The following ESR1 variants were observed in gnomAD, a reference collection of about 807,000 sequenced individuals.
ESR1 encodes estrogen receptor.
ESR1 carries 12 observed loss-of-function variants against 52.7 expected under a neutral mutation model. The observed-to-expected ratio is 0.23, with a 90% confidence interval of 0.15 to 0.37. The LOEUF (loss-of-function observed/expected upper bound fraction) is 0.37, where lower values mean the gene tolerates loss of function less well. Ranked by LOEUF, ESR1 falls within the 10% of genes least tolerant of loss-of-function variation. The pLI is 1.00. For missense variants in ESR1, 584 were observed against 779.7 expected (o/e 0.75, Z 2.99); for synonymous variants, 305 against 316.8 (o/e 0.96, Z 0.39).
intron 2 of ESR1, among the ~76,000 whole-genome samples, chr6:151,876,326 T>C (rs1377796131): frequency 1.3e-5 from 2 of 152,078 alleles, no homozygotes; most frequent in Non-Finnish European, 2.9e-5. Context: ...CAAGTCTTGA[T>C]GGACAGGGGC....
chr6:151,708,367 G>T (rs1780334234), intron 2 of ESR1, among the ~76,000 whole-genome samples: 1 of 152,102 alleles, frequency 6.6e-6, no homozygotes, highest in Non-Finnish European at 1.5e-5. Flanking sequence ...ATAAAAAAGT[G>T]CTGTCATTAC....
chr6:151,957,973 C>A (rs890649144), intron 4 of ESR1, among the ~76,000 whole-genome samples: 1 of 152,172 alleles, frequency 6.6e-6, no homozygotes, highest in Admixed American at 6.5e-5. Flanking sequence ...CGACTCCTGG[C>A]CTAATGGGGC....
intron 2 of ESR1, among the ~76,000 whole-genome samples, chr6:151,778,767 GA>G (rs1174084649): frequency 1.3e-5 from 2 of 152,070 alleles, no homozygotes; most frequent in Non-Finnish European, 2.9e-5. Flanking sequence ...GTGAGATTTT[GA>G]ATCTCAACTG....
intron 3 of ESR1, among the ~76,000 whole-genome samples, chr6:151,898,122 A>G (rs1795834117): frequency 6.6e-6 from 1 of 152,132 alleles, no homozygotes; most frequent in Admixed American, 6.5e-5. Flanking sequence ...ACAGCTCTTA[A>G]GATTATTTTT....
chr6:151,768,653 A>G (rs1415137196), intron 2 of ESR1, among the ~76,000 whole-genome samples: 1 of 152,176 alleles, frequency 6.6e-6, no homozygotes, highest in Non-Finnish European at 1.5e-5. Flanking sequence ...CTTACTCTCA[A>G]ACATCTCAGA....
At chr6:151,799,894 G>A (rs1777066492), upstream of ESR1, among the ~76,000 whole-genome samples, 1 of 152,160 alleles carries the variant, frequency 6.6e-6, no homozygotes, top group South Asian at 2.1e-4. Flanking sequence ...AGGGACTGAG[G>A]AACTTAAAAG....
At position 152,099,668 on chromosome 6, in the gene ESR1, A is replaced by G; in HGVS notation, c.*702A>G. 1 of 261,600 alleles carries G rather than the reference A, an allele frequency of 3.8e-6. No homozygotes were observed. Among genetic ancestry groups the G allele is most frequent in the Non-Finnish European group, 7.2e-6 (1 of 137,950 alleles). The allele number at this position is 261,600 out of a possible 1,614,324, so 16.2% of individuals were successfully genotyped here. ...AAGCTCTGCCTCTGGCTTTCCGGTCATGGGTTCCAGTTAATTCATGCCTCC... is the reference window on the plus strand; with the variant it reads ...AAGCTCTGCCTCTGGCTTTCCGGTCGTGGGTTCCAGTTAATTCATGCCTCC... On this transcript the variant is annotated 3_prime_UTR_variant, in exon 8 of 8. Transcript: ENST00000206249.
chr6:151,773,575 C>T lies in ESR1; in HGVS notation c.-70-34268C>T, dbSNP rs79845980. The stretch of plus-strand genomic sequence containing the variant: ...TTGAAGGCAGCTGCTGGCAGGCAAC[C>T]GGAGACTTTACCCTGGTCCTAGTGG... On this transcript the variant is annotated intron_variant, in intron 2 of 2. Coordinates refer to the ESR1 transcript ENST00000404742. Among the ~76,000 whole-genome samples, 85 of 152,250 alleles carry T rather than the reference C, an allele frequency of 5.6e-4. 1 individual carries two copies. In the East Asian group the frequency reaches 0.015, roughly 28 times the overall value.
intron 2 of ESR1, among the ~76,000 whole-genome samples, chr6:151,750,336 G>A (rs955445163): frequency 6.6e-6 from 1 of 152,108 alleles, no homozygotes; most frequent in Non-Finnish European, 1.5e-5. Context: ...GTAATAAATC[G>A]TTCTCAGCAA....
intron 2 of ESR1, among the ~76,000 whole-genome samples, chr6:151,852,686 G>A (rs567793268): frequency 7.4e-6 from 1 of 135,494 alleles, no homozygotes; most frequent in South Asian, 2.4e-4. Context: ...GCAGTTCATA[G>A]CCTCCTTTTC....
intron 3 of ESR1, among the ~76,000 whole-genome samples, chr6:151,909,645 C>T (rs1797965558): frequency 6.6e-6 from 1 of 152,072 alleles, no homozygotes; most frequent in South Asian, 2.1e-4. Flanking sequence ...TAAATGTCAT[C>T]AAAGGTTCCC....
intron 3 of ESR1, among the ~76,000 whole-genome samples, chr6:151,884,541 T>G (rs1793518866): frequency 6.6e-6 from 1 of 152,200 alleles, no homozygotes; most frequent in African/African-American, 2.4e-5. Flanking sequence ...TACTCCCTAT[T>G]TTCATAGCAA....
rs1173329225 is a variant in ESR1 at position 151,899,499 on chromosome 6, G to T, written c.760+18728G>T. On this transcript the variant is annotated intron_variant, in intron 3 of 7. Transcript: ENST00000206249. ...GGGCTGACCCCCCCACCTCCCTCCCGGACGGGGCGGCTGGCCGGGCGGGGG... is the reference window on the plus strand; with the variant it reads ...GGGCTGACCCCCCCACCTCCCTCCCTGACGGGGCGGCTGGCCGGGCGGGGG... 2.1e-5 allele frequency among the ~76,000 whole-genome samples: 3 copies of T among 144,566 alleles called. No homozygotes were observed. In the East Asian group the frequency reaches 6.6e-4, roughly 32 times the overall value. The allele number at this position is 144,566 out of a possible 152,430, so 94.8% of individuals were successfully genotyped here.
At chr6:151,791,672 G>A (rs1051045476) in intron 2 of ESR1, among the ~76,000 whole-genome samples, 2 of 152,122 alleles carry the variant, frequency 1.3e-5, no homozygotes, top group Non-Finnish European at 2.9e-5. Context: ...AACTCCTAAG[G>A]CAGGGCAGAG....
Position 152,100,280 on chromosome 6 carries a change from G to A in ESR1, c.*1314G>A, listed in dbSNP as rs533228556. ...CAATTGGCCCAGCACCCTGGGGCAC[G>A]GGAGAAGGGTGGGGACCGTTGCTGT... On this transcript the variant is annotated 3_prime_UTR_variant, in exon 8 of 8. Coordinates refer to ENST00000206249, the MANE Select transcript of ESR1 (RefSeq NM_000125.4). 1.6e-4 allele frequency: 62 copies of A among 393,240 alleles called. No homozygotes were observed. In the Middle Eastern group the frequency reaches 1.9e-3, roughly 12 times the overall value. 24.4% of individuals were successfully genotyped at this position (393,240 alleles called of 1,614,324 possible).
chr6:151,671,900 G>T (rs1214204702), intron 1 of ESR1, among the ~76,000 whole-genome samples: 1 of 152,164 alleles, frequency 6.6e-6, no homozygotes, highest in African/African-American at 2.4e-5. Context: ...GCTGAGACAG[G>T]GGAATTGCTC....
intron 2 of ESR1, among the ~76,000 whole-genome samples, chr6:151,865,816 G>A (rs952458450): frequency 3.9e-5 from 6 of 152,186 alleles, no homozygotes; most frequent in African/African-American, 1.4e-4. Context: ...CTCTGGAGAG[G>A]GGAGGAAACG....
At chr6:151,755,817 G>A (rs561615992) in intron 2 of ESR1, among the ~76,000 whole-genome samples, 10 of 152,068 alleles carry the variant, frequency 6.6e-5, no homozygotes, top group Admixed American at 3.9e-4. Flanking sequence ...TTTTAGTAGC[G>A]AAGGGGTTTC....
chr6:151,966,999 A>G (rs972448918), intron 4 of ESR1, among the ~76,000 whole-genome samples: 6 of 152,202 alleles, frequency 3.9e-5, no homozygotes, highest in Admixed American at 1.3e-4. Context: ...ACCTCTATTG[A>G]CAATCCTGCT....
Sources: allele counts gnomAD v4.1 joint callset (sites outside exome capture counted in the v4.1 genomes callset), GRCh38; gene constraint gnomAD v4.1.1; transcripts MANE v1.5; gene names NCBI Gene and HGNC (gene_info 2026-07-23, HGNC 2026-07-21).